ATG2A: variants seen among roughly 807,000 people sequenced by gnomAD.
ATG2A encodes autophagy-related protein 2 homolog A.
A neutral mutation model predicts 214.2 loss-of-function variants in ATG2A; 103 were observed. The ratio of observed to expected loss-of-function variants is 0.48; its 90% confidence interval spans 0.41 to 0.57. The LOEUF is 0.57. Among genes scored for constraint, ATG2A ranks in the 20% least tolerant of loss-of-function variants. ATG2A has a pLI of 0.00. For synonymous variants in ATG2A, 1,160 were observed against 1,142.1 expected (o/e 1.02, Z -0.32); for missense variants, 2,312 against 2,613.2 (o/e 0.88, Z 2.51).
intron 1 of ATG2A, 89 bp from the exon 2 acceptor site, chr11:64,914,589 A>G: frequency 4.7e-6 from 7 of 1,495,254 alleles, no homozygotes; most frequent in African/African-American, 1.4e-5. Flanking sequence ...TGCCTTGGAG[A>G]GCACCCTTGG....
chr11:64,897,958 T>C lies in ATG2A; in HGVS notation c.4875A>G (p.Arg1625=). 6.4e-7 allele frequency: 1 copy of C among 1,550,868 alleles called. No homozygotes were observed. The highest frequency in any genetic ancestry group is 8.7e-7 in the Non-Finnish European group (1 of 1,151,136). ...CTTCCAGGGGGCTGCTGGGCTGGGC[T>C]CGAGTCTCGGGGCGAGCTAGGGGAG... is the stretch of plus-strand genomic sequence containing the variant. ...ETSAEARPET[R]AQPSSPLEGQ... Residue 1625 remains arginine (R), a synonymous_variant, in exon 35 of 41, where the codon CGA becomes CGG. Transcript: ENST00000377264.
chr11:64,914,898 G>A (rs1186915087), intron 1 of ATG2A, among the ~76,000 whole-genome samples: 3 of 151,786 alleles, frequency 2.0e-5, no homozygotes, highest in African/African-American at 7.3e-5. Context: ...GGGTGGTGAG[G>A]GGGCTGGTGG....
chr11:64,902,825 C>T, intron 26 of ATG2A, 145 bp from the exon 27 acceptor site: 1 of 698,304 alleles, frequency 1.4e-6, no homozygotes. Flanking sequence ...ATGACCTGCC[C>T]AGTAACTCCA....
chr11:64,904,979 C>G (rs746935085), intron 24 of ATG2A, among the ~76,000 whole-genome samples: 13 of 152,182 alleles, frequency 8.5e-5, no homozygotes, highest in Non-Finnish European at 1.6e-4. Context: ...CCTCAGCCTC[C>G]CAAGTAGCTG....
chr11:64,906,463 G>C lies in ATG2A; in HGVS notation c.3054C>G (p.Ala1018=), dbSNP rs774523771. ...CTTCCTCCGATGGGTAGATGGTTGGGGCCAGCTGAGCCGGGGGAGCGAAAC... is the reference window on the plus strand; with the variant it reads ...CTTCCTCCGATGGGTAGATGGTTGGCGCCAGCTGAGCCGGGGGAGCGAAAC... ...LPSFAPPAQL[A]PTIYPSEEGV... The change falls in exon 21 of 41, where the codon GCC becomes GCG. Residue 1018 remains alanine (A), a synonymous_variant. Transcript: ENST00000377264. 2 of 1,613,356 alleles carry C rather than the reference G, an allele frequency of 1.2e-6. No individual in the cohort carries two copies. The highest frequency in any genetic ancestry group is 3.3e-5 in the Admixed American group (2 of 60,028).
In ATG2A at chr11:64,895,794, C is replaced by G. The variant is rs929930992; in HGVS notation, c.5428-352G>C. Among the ~76,000 whole-genome samples the G allele has an allele frequency of 6.6e-6, 1 of 152,180 alleles. No homozygotes were observed. The highest frequency in any genetic ancestry group is 1.5e-5 in the Non-Finnish European group (1 of 68,004). ...CGCTCCTTGCCTGGCCCCCCAGACG[C>G]CCCTGCCAGATGGTCAGAGGCCCAT... On this transcript the variant is annotated intron_variant, in intron 39 of 40. Coordinates refer to ENST00000377264, the MANE Select transcript of ATG2A (RefSeq NM_015104.3). The surrounding 1 kb of genome is among the most constrained non-coding windows in gnomAD (Gnocchi z 5.0).
chr11:64,905,989 G>C (rs755414905), intron 22 of ATG2A, 124 bp downstream of exon 22: 27 of 1,396,284 alleles, frequency 1.9e-5, no homozygotes, highest in Non-Finnish European at 2.5e-5. Flanking sequence ...AGGAGCTCCG[G>C]ACAAGGTCAG....
intron 30 of ATG2A, 53 bp from the exon 31 acceptor site, chr11:64,900,682 C>A: frequency 6.6e-7 from 1 of 1,521,112 alleles, no homozygotes. Flanking sequence ...ATTCCCTCCC[C>A]GTCCTCAGCG....
At position 64,902,690 on chromosome 11, in the gene ATG2A, CG is replaced by C. The variant is rs2136567819; in HGVS notation, c.3613-11del. ...CGAATAGTGGCTGGCTCTGCAGGGG[CG>C]GGGTGGGGGGAGCAGCTATGTGAAC... On this transcript the variant is annotated splice_polypyrimidine_tract_variant and intron_variant, in intron 26 of 40. Transcript: ENST00000377264. 2 of 1,595,090 alleles carry C rather than the reference CG, an allele frequency of 1.3e-6. 1 individual carries two copies. Among genetic ancestry groups the C allele is most frequent in the South Asian group, 2.2e-5 (2 of 90,080 alleles).
chr11:64,900,845 AACCTTCACCAGCTGCC>A, intron 30 of ATG2A, 23 bp downstream of exon 30: 3 of 1,540,722 alleles, frequency 1.9e-6, no homozygotes, highest in Non-Finnish European at 2.6e-6. Flanking sequence ...CCTGAGCCCC[AACCTTCACCAGCTGCC>A]ACCTGCACCC....
intron 16 of ATG2A, 45 bp from the exon 17 acceptor site, chr11:64,907,935 C>T (rs370952156): frequency 1.1e-5 from 17 of 1,586,124 alleles, no homozygotes; most frequent in Middle Eastern, 1.7e-4. Context: ...ATCTTAGAGA[C>T]GCTGGCTGGG....
rs1037369026 is a variant in ATG2A at position 64,894,600 on chromosome 11, A to C, written c.*373T>G. On this transcript the variant is annotated 3_prime_UTR_variant, in exon 41 of 41. Coordinates refer to ENST00000377264, the MANE Select transcript of ATG2A (RefSeq NM_015104.3). ...CAGACACTGACCCACGCACTCACGG[A>C]GCTTAAAAATAATACATCGAACCAC... The C allele has an allele frequency of 1.9e-6, 1 of 514,884 alleles. No individual in the cohort carries two copies. Among genetic ancestry groups the C allele is most frequent in the South Asian group, 1.5e-5 (1 of 65,082 alleles). 31.9% of individuals were successfully genotyped at this position (514,884 alleles called of 1,614,324 possible). A position where few individuals can be genotyped will look rare whatever the true frequency, so the allele number is the denominator to read the frequency against.
rs369030600 is a variant in ATG2A at position 64,902,157 on chromosome 11, C to T, written c.3924G>A (p.Ala1308=). ...AQPSGGHLPQ[A]SPISVYLFPG... The stretch of plus-strand genomic sequence containing the variant: ...GGAATAGGTAGACGGAGATGGGCGA[C>T]GCCTGAGGGAGGTGGCCACCTATAG... Residue 1308 remains alanine, a synonymous_variant, in exon 29 of 41, where the codon GCG becomes GCA. Coordinates refer to ENST00000377264, the MANE Select transcript of ATG2A (RefSeq NM_015104.3). 81 of 1,613,148 alleles carry T rather than the reference C, an allele frequency of 5.0e-5. No individual in the cohort carries two copies. The African/African-American group carries it at 8.9e-4, about 18-fold the overall frequency.
At chr11:64,907,127 G>C in intron 19 of ATG2A, 128 bp downstream of exon 19, 2 of 1,160,312 alleles carry the variant, frequency 1.7e-6, no homozygotes, top group Non-Finnish European at 2.4e-6. Flanking sequence ...TGGCGTGGGT[G>C]GGCTGGCGCT....
Position 64,914,515 on chromosome 11 carries a change from G to A in ATG2A, c.172-15C>T, listed in dbSNP as rs765405104. On this transcript the variant is annotated splice_polypyrimidine_tract_variant and intron_variant, in intron 1 of 40. Coordinates refer to ENST00000377264, the MANE Select transcript of ATG2A (RefSeq NM_015104.3). ...TCGTTCACAGACTGGGAGCAAGCAA[G>A]AGACAAAACCAGCTCAGGGAAACCC... is the stretch of plus-strand genomic sequence containing the variant. 3 of 1,610,304 alleles carry A rather than the reference G, an allele frequency of 1.9e-6. No homozygotes were observed. Among genetic ancestry groups the A allele is most frequent in the Non-Finnish European group, 1.7e-6 (2 of 1,178,788 alleles).
In ATG2A at chr11:64,911,044, T is replaced by C; in HGVS notation, c.1460A>G (p.His487Arg). The change falls in exon 10 of 41, where the codon CAT (histidine) becomes CGT (arginine). Residue 487 changes from histidine to arginine, a missense_variant. Coordinates refer to ENST00000377264, the MANE Select transcript of ATG2A (RefSeq NM_015104.3). ...PRFQRACPCS[H>R]VRLTGTAVQL... Reference sequence around the variant, plus strand: ...CCTGGCCTCGGGCTTATACCGAACATGGCTACAGGGACAGGCCCTCTGGAA... The same window carrying C: ...CCTGGCCTCGGGCTTATACCGAACACGGCTACAGGGACAGGCCCTCTGGAA... 6.2e-7 allele frequency: 1 copy of C among 1,613,936 alleles called. No individual in the cohort carries two copies.
At position 64,913,976 on chromosome 11, in the gene ATG2A, G is replaced by A. The variant is rs1565075511; in HGVS notation, c.488-53C>T. ...CAGGTAGAGCAGCAAAGGGGAGGCA[G>A]AATTTCCCATCTGGGCACCAGGGTG... On this transcript the variant is annotated intron_variant, in intron 3 of 40. Coordinates refer to ENST00000377264, the MANE Select transcript of ATG2A (RefSeq NM_015104.3). This position sits in a 1 kb window ranked among gnomAD's most constrained non-coding sequence, Gnocchi z 4.3. 6.3e-7 allele frequency: 1 copy of A among 1,595,562 alleles called. No individual in the cohort carries two copies. Among genetic ancestry groups the A allele is most frequent in the African/African-American group, 1.3e-5 (1 of 74,304 alleles).
chr11:64,913,951 CA>C lies in ATG2A; in HGVS notation c.488-29del. The C allele has an allele frequency of 6.2e-7, 1 of 1,610,008 alleles. No individual in the cohort carries two copies. Among genetic ancestry groups the C allele is most frequent in the Non-Finnish European group, 8.5e-7 (1 of 1,177,702 alleles). ...GAGGAGTTGGGGAGGGGTCTCAGGT[CA>C]GGTAGAGCAGCAAAGGGGAGGCAGA... On this transcript the variant is annotated intron_variant, in intron 3 of 40. Transcript: ENST00000377264. This position sits in a 1 kb window ranked among gnomAD's most constrained non-coding sequence, Gnocchi z 4.3.
chr11:64,909,453 C>T (rs1163524474), intron 14 of ATG2A, 86 bp from the exon 15 acceptor site: 3 of 1,447,456 alleles, frequency 2.1e-6, no homozygotes, highest in East Asian at 2.3e-5. Flanking sequence ...CAGAGCTGTG[C>T]CCCCGACTCC....
Sources: allele counts gnomAD v4.1 joint callset (sites outside exome capture counted in the v4.1 genomes callset), GRCh38; gene constraint gnomAD v4.1.1; non-coding constraint Gnocchi (gnomAD v3.1); transcripts MANE v1.5; gene names NCBI Gene and HGNC (gene_info 2026-07-23, HGNC 2026-07-21).